The following RRP1 variants were observed in gnomAD, a reference collection of about 807,000 sequenced individuals.
RRP1 encodes ribosomal RNA processing 1, also known as ribosomal RNA processing protein 1 homolog A.
In RRP1, 37 loss-of-function variants were observed where a neutral mutation model predicts 54.6. The observed-to-expected ratio is 0.68, with a 90% CI of 0.52 to 0.89. The LOEUF is 0.89. RRP1 is among the 40% of genes least tolerant of loss of function. RRP1 has a pLI of 0.00. For synonymous variants in RRP1, 262 were observed against 244.3 expected, an observed-to-expected ratio of 1.07 and a Z score of -0.67; for missense variants, 639 against 612.5, an observed-to-expected ratio of 1.04 and a Z score of -0.46.
intron 8 of RRP1, 125 bp from the exon 9 acceptor site, chr21:43,799,445 C>A (rs1356913763): frequency 1.0e-6 from 1 of 972,648 alleles, no homozygotes; most frequent in East Asian, 2.6e-5. Context: ...CTGTCCGTTC[C>A]CGGGTGTTTC....
At chr21:43,800,764 G>C in intron 10 of RRP1, 98 bp from the exon 11 acceptor site, 1 of 1,570,104 alleles carries the variant, frequency 6.4e-7, no homozygotes, top group Non-Finnish European at 8.7e-7. Context: ...AGCCCCTGGG[G>C]TTCCCCTGGC....
Position 43,797,679 on chromosome 21 carries a change from G to C in RRP1, c.601G>C (p.Ala201Pro), listed in dbSNP as rs753419754. Residue 201 changes from alanine (A) to proline (P), a missense_variant, in exon 7 of 13, where the codon GCT becomes CCT. Coordinates refer to ENST00000497547, the MANE Select transcript of RRP1 (RefSeq NM_003683.6). ...GTTCATCGACCCCTTCTGCAGAATTGCTGCCCGGACCAAGGAGTAAGTGGT... is the reference window on the plus strand; with the variant it reads ...GTTCATCGACCCCTTCTGCAGAATTCCTGCCCGGACCAAGGAGTAAGTGGT... ...LKFIDPFCRI[A>P]ARTKDSLVLN... The C allele has an allele frequency of 1.2e-6, 2 of 1,613,866 alleles. No homozygotes were observed. The highest frequency in any genetic ancestry group is 2.2e-5 in the South Asian group (2 of 91,086).
At chr21:43,802,991 C>T (rs1257886551) in intron 12 of RRP1, among the ~76,000 whole-genome samples, 2 of 152,258 alleles carry the variant, frequency 1.3e-5, no homozygotes, top group Non-Finnish European at 2.9e-5. Context: ...AGAGGAGGCA[C>T]ATGGTGGCTT....
At chr21:43,798,560 G>T (rs2838381) in intron 8 of RRP1, among the ~76,000 whole-genome samples, 7,878 of 152,116 alleles carry the variant, frequency 0.052, 274 homozygotes, top group South Asian at 0.15. Flanking sequence ...TTCCTGGCCC[G>T]TCTCCCCAGA....
rs979431025 is a variant in RRP1 at position 43,795,054 on chromosome 21, C to T, written c.361-135C>T. On this transcript the variant is annotated intron_variant, in intron 4 of 12. Transcript: ENST00000497547. ...TCTGTCTGTCAGCAGCTCTGGGGGCCGGCTGTGTGCTGGGGCCGGCAGAGG... is the reference window on the plus strand; with the variant it reads ...TCTGTCTGTCAGCAGCTCTGGGGGCTGGCTGTGTGCTGGGGCCGGCAGAGG... 5.7e-5 allele frequency: 45 copies of T among 796,212 alleles called. No homozygotes were observed. The East Asian group carries it at 1.0e-3, about 18-fold the overall frequency. The allele number at this position is 796,212 out of a possible 1,614,324, so 49.3% of individuals were successfully genotyped here. A position where few individuals can be genotyped will look rare whatever the true frequency, so the allele number is the denominator to read the frequency against.
intron 4 of RRP1, among the ~76,000 whole-genome samples, chr21:43,794,161 A>G (rs2084990792): frequency 6.6e-6 from 1 of 152,188 alleles, no homozygotes; most frequent in African/African-American, 2.4e-5. Flanking sequence ...AGGATTGTGC[A>G]GACAGCATAT....
chr21:43,799,684 C>G (rs369328520), intron 9 of RRP1, 35 bp downstream of exon 9: 48 of 1,575,552 alleles, frequency 3.0e-5, no homozygotes, highest in Non-Finnish European at 3.6e-5. Context: ...TGCCCTCAGC[C>G]TTTGCCCCTC....
chr21:43,795,269 T>A lies in RRP1; in HGVS notation c.422+19T>A. 1 of 1,612,818 alleles carries A rather than the reference T, an allele frequency of 6.2e-7. No individual in the cohort carries two copies. The highest frequency in any genetic ancestry group is 8.5e-7 in the Non-Finnish European group (1 of 1,178,986). ...AAGAAAGGTGGGTGCGCGGCGGGCC[T>A]GCTCTGGGGGGACGCTGTTCTCGGG... On this transcript the variant is annotated intron_variant, in intron 5 of 12. Coordinates refer to ENST00000497547, the MANE Select transcript of RRP1 (RefSeq NM_003683.6).
chr21:43,789,638 G>C lies in RRP1; in HGVS notation c.9G>C (p.Ser3=), dbSNP rs757322956. The part of the protein sequence containing the change: MV[S]RVQLPPEIQL... Reference sequence around the variant, plus strand: ...TCTCGGCCGTCGGCGTCATGGTTTCGCGCGTGCAGCTCCCGCCTGAGATCC... The same window carrying C: ...TCTCGGCCGTCGGCGTCATGGTTTCCCGCGTGCAGCTCCCGCCTGAGATCC... The change falls in exon 1 of 13, where the codon TCG becomes TCC. Residue 3 remains serine (S), a synonymous_variant. Transcript: ENST00000497547. The C allele has an allele frequency of 6.3e-7, 1 of 1,586,010 alleles. No homozygotes were observed. The highest frequency in any genetic ancestry group is 8.6e-7 in the Non-Finnish European group (1 of 1,167,790).
chr21:43,797,730 T>C, intron 7 of RRP1, 35 bp downstream of exon 7: 1 of 1,608,874 alleles, frequency 6.2e-7, no homozygotes, highest in Non-Finnish European at 8.5e-7. Context: ...GCCCGACTCC[T>C]TCACTGAGTT....
At chr21:43,801,036 G>T (rs906748243) in intron 11 of RRP1, among the ~76,000 whole-genome samples, 155 bp downstream of exon 11, 1 of 152,196 alleles carries the variant, frequency 6.6e-6, no homozygotes, top group Admixed American at 6.5e-5. Flanking sequence ...AGGGCGCAGG[G>T]TTCCACAGCT....
intron 4 of RRP1, 88 bp from the exon 5 acceptor site, chr21:43,795,101 C>G: frequency 7.9e-7 from 1 of 1,266,686 alleles, no homozygotes; most frequent in Non-Finnish European, 1.2e-6. Flanking sequence ...ATGACTTTAT[C>G]CTGCAGCGGA....
At chr21:43,793,892 C>T (rs1448103951) in intron 4 of RRP1, among the ~76,000 whole-genome samples, 1 of 152,150 alleles carries the variant, frequency 6.6e-6, no homozygotes, top group Admixed American at 6.5e-5. Context: ...TACAGGGGAA[C>T]ACTGGGGTTT....
chr21:43,790,933 A>G (rs1459043546), intron 1 of RRP1: 2 of 449,440 alleles, frequency 4.4e-6, no homozygotes, highest in Non-Finnish European at 9.0e-6. Context: ...GCCTGAGTTC[A>G]CTTTCTTCTT....
chr21:43,791,246 A>T, intron 1 of RRP1, 104 bp from the exon 2 acceptor site: 1 of 1,196,580 alleles, frequency 8.4e-7, no homozygotes. Flanking sequence ...CTTTACCGTA[A>T]GTGGGACTTT....
Position 43,803,748 on chromosome 21 carries a change from GAGA to G in RRP1, c.1371_1373del (p.Lys458del), listed in dbSNP as rs529348875. 171 of 1,580,306 alleles carry G rather than the reference GAGA, an allele frequency of 1.1e-4. 1 individual carries two copies. The highest frequency in any genetic ancestry group is 5.1e-4 in the South Asian group (44 of 87,018). ...AAAGGCGGCCAATGTCCAGGAGCCG[GAGA>G]AGAAGAAGAAACGCAGGGAGTGATG... On this transcript the variant is annotated inframe_deletion, in exon 13 of 13. Transcript: ENST00000497547.
intron 2 of RRP1, among the ~76,000 whole-genome samples, 155 bp downstream of exon 2, chr21:43,791,587 C>T (rs1353986643): frequency 6.6e-6 from 1 of 151,946 alleles, no homozygotes; most frequent in Admixed American, 6.6e-5. Context: ...ACTGCAACCT[C>T]AGCCTTCTGG....
At position 43,802,444 on chromosome 21, in the gene RRP1, C is replaced by T. The variant is rs781748029; in HGVS notation, c.1123+57C>T. 3 of 1,431,190 alleles carry T rather than the reference C, an allele frequency of 2.1e-6. 1 individual carries two copies. In the South Asian group the frequency reaches 3.5e-5, roughly 17 times the overall value. The allele number at this position is 1,431,190 out of a possible 1,614,324, so 88.7% of individuals were successfully genotyped here. A position where few individuals can be genotyped will look rare whatever the true frequency, so the allele number is the denominator to read the frequency against. On this transcript the variant is annotated intron_variant, in intron 12 of 12. Coordinates refer to ENST00000497547, the MANE Select transcript of RRP1 (RefSeq NM_003683.6). Reference sequence around the variant, plus strand: ...CGGCGTCCTCACCTGCTTGCTTCTCCCCTGGATGGGGGTCACCTGCAGTGT... The same window carrying T: ...CGGCGTCCTCACCTGCTTGCTTCTCTCCTGGATGGGGGTCACCTGCAGTGT...
At chr21:43,790,189 C>T (rs1218432975) in intron 1 of RRP1, among the ~76,000 whole-genome samples, 2 of 152,254 alleles carry the variant, frequency 1.3e-5, no homozygotes, top group African/African-American at 4.8e-5. Flanking sequence ...GGCCGAGAAT[C>T]TACTTCTTGT....
Sources: allele counts gnomAD v4.1 joint callset (sites outside exome capture counted in the v4.1 genomes callset), GRCh38; gene constraint gnomAD v4.1.1; transcripts MANE v1.5; gene names NCBI Gene and HGNC (gene_info 2026-07-23, HGNC 2026-07-21).